KANK4: variants seen among roughly 807,000 people sequenced by gnomAD.
KANK4 encodes the protein KN motif and ankyrin repeat domain-containing protein 4.
KANK4 carries 50 observed loss-of-function variants against 80.8 expected under a neutral mutation model. The observed-to-expected ratio is 0.62, with a 90% confidence interval of 0.49 to 0.78. The LOEUF (loss-of-function observed/expected upper bound fraction) is 0.78. KANK4 is among the 30% of genes least tolerant of loss of function. KANK4 has a pLI of 0.00. For missense variants in KANK4, 1,196 were observed against 1,240.1 expected (o/e 0.96, Z 0.53); for synonymous variants, 465 against 506.9 (o/e 0.92, Z 1.11).
intron 6 of KANK4, among the ~76,000 whole-genome samples, chr1:62,265,492 T>C (rs1358253596): frequency 6.6e-6 from 1 of 152,222 alleles, no homozygotes; most frequent in East Asian, 1.9e-4. Flanking sequence ...TCCACCTGTC[T>C]TGGCCTCCCA....
chr1:62,291,093 G>C (rs976831678), intron 1 of KANK4, among the ~76,000 whole-genome samples: 1 of 152,132 alleles, frequency 6.6e-6, no homozygotes, highest in Non-Finnish European at 1.5e-5. Context: ...GTTTATGTTT[G>C]TTTGCTTTAA....
rs529344326 is a variant in KANK4, at chr1:62,249,058, G to A, written c.2683-1386C>T. On this transcript the variant is annotated intron_variant, in intron 8 of 9. Coordinates refer to ENST00000371153, the MANE Select transcript of KANK4 (RefSeq NM_181712.5). ...GTATGGTGGCGGGCGCCTGCTATTCGGGAGGCTGAGGCAGGAGAATCACTT... is the reference window on the plus strand; with the variant it reads ...GTATGGTGGCGGGCGCCTGCTATTCAGGAGGCTGAGGCAGGAGAATCACTT... Among the ~76,000 whole-genome samples, 952 of 149,244 alleles carry A rather than the reference G, an allele frequency of 6.4e-3. 3 individuals carry two copies. The highest frequency in any genetic ancestry group is 0.011 in the Non-Finnish European group (714 of 67,384).
intron 3 of KANK4, 100 bp downstream of exon 3, chr1:62,273,104 T>A (rs1672203520): frequency 1.1e-6 from 1 of 895,708 alleles, no homozygotes; most frequent in South Asian, 3.0e-5. Context: ...AAAATCTTTT[T>A]AAAAACATGT....
rs771049970 is a variant in KANK4 at position 62,263,123 on chromosome 1, G to T, written c.2508C>A (p.Asn836Lys). ...CCAGCAGCAGCTTCACGATGGAGAA[G>T]TTGGAGTGGGACACGCTGTAGTGAA... is the stretch of plus-strand genomic sequence containing the variant. ...TALHYSVSHS[N>K]FSIVKLLLET... Residue 836 changes from asparagine (N) to lysine (K), a missense_variant, in exon 7 of 10, where the codon AAC becomes AAA. Physicochemically the swap from Asn to Lys is moderately conservative, Grantham distance 94 (BLOSUM62 0). Transcript: ENST00000371153. 6.2e-7 allele frequency: 1 copy of T among 1,613,578 alleles called. No homozygotes were observed. The highest frequency in any genetic ancestry group is 8.5e-7 in the Non-Finnish European group (1 of 1,179,688).
rs1327023645 is a variant in KANK4 at position 62,238,139 on chromosome 1, G to C, written c.*138C>G. ...CCTAATGAGCAGAATTATACAACAG[G>C]AATGTATGTGCATATTTGACATAGT... On this transcript the variant is annotated 3_prime_UTR_variant, in exon 10 of 10. Transcript: ENST00000371153. 4.9e-6 allele frequency: 3 copies of C among 606,954 alleles called. No individual in the cohort carries two copies. The East Asian group carries it at 8.3e-5, about 17-fold the overall frequency. The allele number at this position is 606,954 out of a possible 1,614,324, so 37.6% of individuals were successfully genotyped here.
chr1:62,279,191 A>AGCGCGCGCGCGC (rs766521694), intron 2 of KANK4, among the ~76,000 whole-genome samples: 2 of 139,324 alleles, frequency 1.4e-5, no homozygotes, highest in African/African-American at 5.4e-5. Flanking sequence ...TTCCTAAGCT[A>AGCGCGCGCGCGC]GCGCGCGCAC....
chr1:62,294,539 T>C (rs985100869), intron 1 of KANK4, among the ~76,000 whole-genome samples: 1 of 152,234 alleles, frequency 6.6e-6, no homozygotes, highest in African/African-American at 2.4e-5. Flanking sequence ...CTGTTGCATC[T>C]GCCTTCTGGG....
At chr1:62,256,541 C>T (rs111744700) in intron 7 of KANK4, among the ~76,000 whole-genome samples, 3,000 of 152,230 alleles carry the variant, frequency 0.02, 96 homozygotes, top group African/African-American at 0.068. Flanking sequence ...AGCCATCACG[C>T]CCCACTAATT....
Position 62,236,796 on chromosome 1 carries a change from A to G in KANK4, c.*1481T>C, listed in dbSNP as rs1385253662. Among the ~76,000 whole-genome samples the G allele has an allele frequency of 2.0e-5, 3 of 151,942 alleles. No individual in the cohort carries two copies. The highest frequency in any genetic ancestry group is 1.3e-4 in the Admixed American group (2 of 15,242). Reference sequence around the variant, plus strand: ...TTTTTGGTAGAGACGGGGTTTCTCCATGTATGTCAGGCTGGTCTCAAACTC... The same window carrying G: ...TTTTTGGTAGAGACGGGGTTTCTCCGTGTATGTCAGGCTGGTCTCAAACTC... On this transcript the variant is annotated 3_prime_UTR_variant, in exon 10 of 10. Coordinates refer to ENST00000371153, the MANE Select transcript of KANK4 (RefSeq NM_181712.5).
chr1:62,299,378 G>T (rs930061490), intron 1 of KANK4, among the ~76,000 whole-genome samples: 11 of 152,024 alleles, frequency 7.2e-5, no homozygotes, highest in African/African-American at 2.4e-4. Flanking sequence ...AGCTCTTAAT[G>T]GCCCAGACTG....
At chr1:62,278,385 C>CT (rs1557493542) in intron 2 of KANK4, among the ~76,000 whole-genome samples, 19 of 44,616 alleles carry the variant, frequency 4.3e-4, no homozygotes, top group East Asian at 4.2e-3. Flanking sequence ...TCCTTTCTTT[C>CT]TTTCTTTCTT....
chr1:62,253,053 T>C lies in KANK4; in HGVS notation c.2682+14A>G, dbSNP rs766941812. On this transcript the variant is annotated intron_variant, in intron 8 of 9. Coordinates refer to ENST00000371153, the MANE Select transcript of KANK4 (RefSeq NM_181712.5). ...TGCATTTACTGAAGAGGAGATCCTGTTCATTCCACCCACCTGAGTAGCTTG... is the reference window on the plus strand; with the variant it reads ...TGCATTTACTGAAGAGGAGATCCTGCTCATTCCACCCACCTGAGTAGCTTG... 6.2e-7 allele frequency: 1 copy of C among 1,613,250 alleles called. No homozygotes were observed. Among genetic ancestry groups the C allele is most frequent in the South Asian group, 1.1e-5 (1 of 90,798 alleles).
intron 6 of KANK4, chr1:62,263,547 C>A (rs1290570592): frequency 2.0e-6 from 1 of 497,582 alleles, no homozygotes; most frequent in African/African-American, 2.0e-5. Context: ...GCCTAGTAAC[C>A]AGTAACAAGG....
chr1:62,313,621 G>A (rs1229182232), intron 1 of KANK4, among the ~76,000 whole-genome samples: 3 of 151,998 alleles, frequency 2.0e-5, no homozygotes, highest in Admixed American at 2.0e-4. Flanking sequence ...TACACCGCAT[G>A]TTCTCATTCA....
chr1:62,291,302 G>A (rs1672674065), intron 1 of KANK4, among the ~76,000 whole-genome samples: 1 of 152,068 alleles, frequency 6.6e-6, no homozygotes, highest in Admixed American at 6.5e-5. Flanking sequence ...TTGCTGTGTT[G>A]TACAAGTTCT....
chr1:62,263,063 C>A, intron 7 of KANK4, 29 bp downstream of exon 7: 1 of 1,550,374 alleles, frequency 6.5e-7, no homozygotes, highest in African/African-American at 1.4e-5. Flanking sequence ...AGGAGGGACC[C>A]AGACTGTATG....
At chr1:62,280,998 T>C (rs1672439628) in intron 2 of KANK4, among the ~76,000 whole-genome samples, 1 of 152,152 alleles carries the variant, frequency 6.6e-6, no homozygotes, top group Admixed American at 6.5e-5. Flanking sequence ...TGAACTCTTC[T>C]GTCACCATGT....
At chr1:62,239,105 T>C (rs1442260328) in intron 9 of KANK4, among the ~76,000 whole-genome samples, 3 of 152,052 alleles carry the variant, frequency 2.0e-5, no homozygotes, top group South Asian at 4.1e-4. Context: ...TCTCACTATG[T>C]TGCCCAGGCT....
At chr1:62,301,067 C>T (rs374367042) in intron 1 of KANK4, among the ~76,000 whole-genome samples, 15 of 152,164 alleles carry the variant, frequency 9.9e-5, no homozygotes, top group African/African-American at 2.6e-4. Flanking sequence ...GACTGAGTTT[C>T]GGCTCCGTGA....
Sources: allele counts gnomAD v4.1 joint callset (sites outside exome capture counted in the v4.1 genomes callset), GRCh38; gene constraint gnomAD v4.1.1; transcripts MANE v1.5; gene names NCBI Gene and HGNC (gene_info 2026-07-23, HGNC 2026-07-21).